Variants in RAB10 observed in about 807,000 individuals in gnomAD.
RAB10 encodes the protein ras-related protein Rab-10.
Under a neutral mutation model 25.7 loss-of-function variants are expected in RAB10, and 5 were observed. The ratio of observed to expected loss-of-function variants is 0.19; its 90% CI spans 0.10 to 0.41. The LOEUF is 0.41. RAB10 is among the 10% of genes least tolerant of loss of function. The pLI is 1.00. For synonymous variants in RAB10, 89 were observed against 86.4 expected (o/e 1.03, Z -0.16); for missense variants, 103 against 245.8 (o/e 0.42, Z 3.89).
intron 1 of RAB10, among the ~76,000 whole-genome samples, chr2:26,074,358 G>A (rs1330214352): frequency 6.6e-6 from 1 of 152,058 alleles, no homozygotes; most frequent in East Asian, 1.9e-4. Context: ...AAGTGATTGT[G>A]GAATTGAGGG....
At chr2:26,130,910 G>T (rs1668000287) in intron 5 of RAB10, among the ~76,000 whole-genome samples, 1 of 152,076 alleles carries the variant, frequency 6.6e-6, no homozygotes, top group African/African-American at 2.4e-5. Context: ...AGGAGTTACT[G>T]CAAGACCTAG....
chr2:26,034,040 A>C (rs1229549258), upstream of RAB10: 1 of 399,512 alleles, frequency 2.5e-6, no homozygotes, highest in Admixed American at 4.4e-5. Flanking sequence ...GGCGGACCGC[A>C]AGGCTAGGGC....
intron 1 of RAB10, among the ~76,000 whole-genome samples, chr2:26,076,504 C>T (rs1310104002): frequency 6.6e-6 from 1 of 152,126 alleles, no homozygotes; most frequent in Non-Finnish European, 1.5e-5. Context: ...AAGATACTGC[C>T]ATGTTCTGGA....
rs529673496 is a variant in RAB10 at position 26,107,558 on chromosome 2, G to A, written c.189-2210G>A. Among the ~76,000 whole-genome samples, 3 of 152,024 alleles carry A rather than the reference G, an allele frequency of 2.0e-5. No homozygotes were observed. The East Asian group carries it at 5.9e-4, about 30-fold the overall frequency. Reference sequence around the variant, plus strand: ...CGCCTGTAATCCCAGCACTTTGGGAGGCTGAGGCGGGCTGATCACCTGAGG... The same window carrying A: ...CGCCTGTAATCCCAGCACTTTGGGAAGCTGAGGCGGGCTGATCACCTGAGG... On this transcript the variant is annotated intron_variant, in intron 2 of 5. Transcript: ENST00000264710.
chr2:26,060,494 G>A (rs1254241264), intron 1 of RAB10, among the ~76,000 whole-genome samples: 6 of 151,980 alleles, frequency 3.9e-5, no homozygotes, highest in African/African-American at 1.5e-4. Flanking sequence ...GGGTTTCACC[G>A]TGTTAGCCAG....
chr2:26,103,606 T>A (rs1320430830), intron 2 of RAB10, among the ~76,000 whole-genome samples: 1 of 152,252 alleles, frequency 6.6e-6, no homozygotes, highest in East Asian at 1.9e-4. Context: ...TATACATAAT[T>A]CACATACCAT....
At chr2:26,065,496 AG>A (rs1373250296) in intron 1 of RAB10, among the ~76,000 whole-genome samples, 4 of 62,410 alleles carry the variant, frequency 6.4e-5, no homozygotes, top group African/African-American at 2.1e-4. Flanking sequence ...CAAAACCTGA[AG>A]GTTTTTTTTT....
intron 1 of RAB10, among the ~76,000 whole-genome samples, chr2:26,087,797 CA>C (rs1667018204): frequency 6.6e-6 from 1 of 152,204 alleles, no homozygotes; most frequent in Admixed American, 6.5e-5. Flanking sequence ...TTAATCCATG[CA>C]AAGATCTTCT....
chr2:26,109,954 G>T (rs754715469), intron 3 of RAB10, 48 bp downstream of exon 3: 2 of 1,460,856 alleles, frequency 1.4e-6, no homozygotes, highest in Non-Finnish European at 1.8e-6. Flanking sequence ...ACATTTGTGT[G>T]CTTGGTTAGG....
At chr2:26,079,324 A>AAC (rs34334774) in intron 1 of RAB10, among the ~76,000 whole-genome samples, 7,564 of 92,556 alleles carry the variant, frequency 0.082, 241 homozygotes, top group Middle Eastern at 0.15. Flanking sequence ...CACACACACA[A>AAC]ACACACACAC....
chr2:26,095,275 A>G (rs1667187415), intron 1 of RAB10, among the ~76,000 whole-genome samples: 1 of 152,052 alleles, frequency 6.6e-6, no homozygotes, highest in Non-Finnish European at 1.5e-5. Context: ...AAGCCTCCAG[A>G]CCTAGACCTT....
At chr2:26,048,194 C>T (rs1333983898) in intron 1 of RAB10, among the ~76,000 whole-genome samples, 2 of 152,054 alleles carry the variant, frequency 1.3e-5, no homozygotes, top group Non-Finnish European at 2.9e-5. Context: ...GTTGTGTGAT[C>T]ATAAATTTTT....
chr2:26,117,159 T>C (rs1667707609), intron 3 of RAB10, among the ~76,000 whole-genome samples: 3 of 152,172 alleles, frequency 2.0e-5, no homozygotes, highest in South Asian at 4.1e-4. Context: ...TTATATGCTT[T>C]AGTGTGTTGC....
At chr2:26,075,030 T>C (rs1160876692) in intron 1 of RAB10, among the ~76,000 whole-genome samples, 1 of 152,208 alleles carries the variant, frequency 6.6e-6, no homozygotes, top group East Asian at 1.9e-4. Context: ...TCACATTTCT[T>C]GGGAGTAGAA....
At chr2:26,044,737 G>T (rs1665959954) in intron 1 of RAB10, among the ~76,000 whole-genome samples, 1 of 151,920 alleles carries the variant, frequency 6.6e-6, no homozygotes, top group Non-Finnish European at 1.5e-5. Flanking sequence ...GCAGAGACAG[G>T]GTTTCGCCCT....
intron 1 of RAB10, among the ~76,000 whole-genome samples, chr2:26,036,121 A>G (rs1665759183): frequency 6.6e-6 from 1 of 152,096 alleles, no homozygotes; most frequent in African/African-American, 2.4e-5. Flanking sequence ...TTAACACTCC[A>G]CTTTTAGCTG....
At chr2:26,103,327 G>A (rs1667383711) in intron 2 of RAB10, among the ~76,000 whole-genome samples, 1 of 152,188 alleles carries the variant, frequency 6.6e-6, no homozygotes, top group South Asian at 2.1e-4. Flanking sequence ...CCAGTCATAT[G>A]CAGGTAGTGG....
chr2:26,033,984 T>A (rs1574519849), upstream of RAB10: 1 of 397,722 alleles, frequency 2.5e-6, no homozygotes, highest in Admixed American at 4.4e-5. Flanking sequence ...AGCATTCCAC[T>A]CGCCACTTCG....
intron 3 of RAB10, among the ~76,000 whole-genome samples, chr2:26,126,171 G>A (rs1667899781): frequency 6.6e-6 from 1 of 152,184 alleles, no homozygotes; most frequent in Admixed American, 6.5e-5. Context: ...GACTAAGTAT[G>A]TGAGGATTTA....
Sources: allele counts gnomAD v4.1 joint callset (sites outside exome capture counted in the v4.1 genomes callset), GRCh38; gene constraint gnomAD v4.1.1; transcripts MANE v1.5; gene names NCBI Gene and HGNC (gene_info 2026-07-23, HGNC 2026-07-21).